Variants in CELSR2 observed in about 807,000 individuals in gnomAD.
The protein encoded by CELSR2 is cadherin EGF LAG seven-pass G-type receptor 2.
Under a neutral mutation model 251.6 loss-of-function variants are expected in CELSR2, and 81 were observed. The observed-to-expected ratio is 0.32, with a 90% CI of 0.27 to 0.39. The LOEUF is 0.39. Ranked by LOEUF, CELSR2 falls within the 10% of genes least tolerant of loss-of-function variation. The probability of loss-of-function intolerance (pLI) is 1.00; values close to 1 mark genes in which losing one functional copy is unlikely to be tolerated. For synonymous variants in CELSR2, 1,721 were observed against 1,670.5 expected, an observed-to-expected ratio of 1.03 and a Z score of -0.74; for missense variants, 3,365 against 3,947.7, an observed-to-expected ratio of 0.85 and a Z score of 3.96.
chr1:109,268,670 G>C lies in CELSR2; in HGVS notation c.6408G>C (p.Trp2136Cys), dbSNP rs1246446443. ...AGCAGACAGAGGGTGGCACCGCCTG[G>C]CTGCTCCAGCACTATGAGGCCTACG... The part of the protein sequence containing the change: ...LIQQTEGGTA[W>C]LLQHYEAYAS... The change falls in exon 18 of 34, where the codon TGG (tryptophan) becomes TGC (cysteine). Residue 2136 changes from tryptophan (W) to cysteine (C), a missense_variant. Trp to Cys is a radical substitution (Grantham distance 215). Coordinates refer to ENST00000271332, the MANE Select transcript of CELSR2 (RefSeq NM_001408.3). The C allele has an allele frequency of 1.2e-6, 2 of 1,613,970 alleles. No individual in the cohort carries two copies. The highest frequency in any genetic ancestry group is 1.3e-5 in the African/African-American group (1 of 74,936).
rs931532342 is a variant in CELSR2 at position 109,265,391 on chromosome 1, G to A, written c.5727+80G>A. On this transcript the variant is annotated intron_variant, in intron 13 of 33. Transcript: ENST00000271332. ...CCTGGGCCCTAGAGGGCAGGCTGTA[G>A]GGATGGGTCTTCCTGTAGAGCTGAG... 25 of 1,442,156 alleles carry A rather than the reference G, an allele frequency of 1.7e-5. No individual in the cohort carries two copies. In the African/African-American group the frequency reaches 3.0e-4, roughly 17 times the overall value. 89.3% of individuals were successfully genotyped at this position (1,442,156 alleles called of 1,614,324 possible). A position where few individuals can be genotyped will look rare whatever the true frequency, so the allele number is the denominator to read the frequency against.
Position 109,250,698 on chromosome 1 carries a change from G to C in CELSR2, c.619G>C (p.Asp207His). 6.2e-7 allele frequency: 1 copy of C among 1,614,098 alleles called. No homozygotes were observed. The highest frequency in any genetic ancestry group is 8.5e-7 in the Non-Finnish European group (1 of 1,180,026). Reference sequence around the variant, plus strand: ...CCCTGTTGCATCCCTGAGGGCCATCGACCCGGACGAGGGTGAGGCAGGTCG... The same window carrying C: ...CCCTGTTGCATCCCTGAGGGCCATCCACCCGGACGAGGGTGAGGCAGGTCG... The part of the protein sequence containing the change: ...GTPVASLRAI[D>H]PDEGEAGRLE... Residue 207 changes from aspartate (D) to histidine (H), a missense_variant, in exon 1 of 34, where the codon GAC becomes CAC. Physicochemically the swap from Asp to His is moderately conservative, Grantham distance 81 (BLOSUM62 -1). Coordinates refer to ENST00000271332, the MANE Select transcript of CELSR2 (RefSeq NM_001408.3). This position sits in a 1 kb window ranked among gnomAD's most constrained non-coding sequence, Gnocchi z 4.4.
intron 11 of CELSR2, 70 bp downstream of exon 11, chr1:109,264,698 G>T: frequency 1.3e-6 from 2 of 1,585,854 alleles, no homozygotes; most frequent in Non-Finnish European, 1.7e-6. Context: ...TCTGCTGTGT[G>T]ACCTGGGGCA....
rs374155692 is a variant in CELSR2 at position 109,252,362 on chromosome 1, T to C, written c.2283T>C (p.Asp761=). The C allele has an allele frequency of 1.3e-4, 203 of 1,612,982 alleles. No homozygotes were observed. The highest frequency in any genetic ancestry group is 3.3e-4 in the Middle Eastern group (2 of 6,084). ...ACAGCATCCCCCAGTTCCGCATCGA[T>C]GCAGACACGGGGGCTGTCACCACCC... is the stretch of plus-strand genomic sequence containing the variant. ...MEDSIPQFRI[D]ADTGAVTTQA... The change falls in exon 1 of 34, where the codon GAT becomes GAC. Residue 761 remains aspartate (D), a synonymous_variant. Coordinates refer to ENST00000271332, the MANE Select transcript of CELSR2 (RefSeq NM_001408.3). The surrounding 1 kb of genome is among the most constrained non-coding windows in gnomAD (Gnocchi z 4.8).
chr1:109,263,958 C>T, intron 9 of CELSR2, 120 bp from the exon 10 acceptor site: 1 of 1,423,728 alleles, frequency 7.0e-7, no homozygotes, highest in Non-Finnish European at 9.4e-7. Flanking sequence ...ATACGCTTTC[C>T]TCTCTATGGC....
rs573031434 is a variant in CELSR2, at chr1:109,269,906, C to A, written c.7108-27C>A. ...GCTCAGGTCCTGCCCTTCCTAATTC[C>A]CTGGCCCCCTGCCACCTACTCTGCA... is the stretch of plus-strand genomic sequence containing the variant. On this transcript the variant is annotated intron_variant, in intron 22 of 33. Coordinates refer to ENST00000271332, the MANE Select transcript of CELSR2 (RefSeq NM_001408.3). This position sits in a 1 kb window ranked among gnomAD's most constrained non-coding sequence, Gnocchi z 6.4. 8.4e-5 allele frequency: 135 copies of A among 1,614,080 alleles called. No homozygotes were observed. In the South Asian group the frequency reaches 1.3e-3, roughly 16 times the overall value.
Position 109,269,510 on chromosome 1 carries a change from A to C in CELSR2, c.6899A>C (p.Lys2300Thr). The C allele has an allele frequency of 1.2e-6, 2 of 1,614,140 alleles. No homozygotes were observed. The highest frequency in any genetic ancestry group is 1.7e-6 in the Non-Finnish European group (2 of 1,180,038). ...DEELLPRALD[K>T]PVTVQFRLLE... ...GAGCTTCTGCCCCGGGCCCTGGACA[A>C]ACCCGTCACGGTGCAGTTCCGCCTG... The change falls in exon 21 of 34, where the codon AAA (lysine) becomes ACA (threonine). Residue 2300 changes from lysine to threonine, a missense_variant. Physicochemically the swap from Lys to Thr is moderately conservative, Grantham distance 78 (BLOSUM62 -1). Transcript: ENST00000271332. The surrounding 1 kb of genome is among the most constrained non-coding windows in gnomAD (Gnocchi z 6.4).
Position 109,274,249 on chromosome 1 carries a change from C to CA in CELSR2, c.*201dup, listed in dbSNP as rs1656464138. The CA allele has an allele frequency of 1.0e-5, 14 of 1,336,414 alleles. No homozygotes were observed. The highest frequency in any genetic ancestry group is 9.0e-5 in the South Asian group (6 of 66,302). The allele number at this position is 1,336,414 out of a possible 1,614,324, so 82.8% of individuals were successfully genotyped here. On this transcript the variant is annotated 3_prime_UTR_variant, in exon 34 of 34. Transcript: ENST00000271332. ...GGCCATCTAGTGCCAACTCCCCCCC[C>CA]ACCATTCCCCTCACTGCACTTTGGA... is the stretch of plus-strand genomic sequence containing the variant.
chr1:109,260,855 A>G (rs80115741), intron 2 of CELSR2, among the ~76,000 whole-genome samples, 187 bp from the exon 3 acceptor site: 3,758 of 152,238 alleles, frequency 0.025, 153 homozygotes, highest in African/African-American at 0.086. Flanking sequence ...CAGGGTGCCC[A>G]TGAAGGGCTG....
intron 14 of CELSR2, 85 bp from the exon 15 acceptor site, chr1:109,266,020 G>GGGGAGGCCTA: frequency 6.3e-7 from 1 of 1,585,726 alleles, no homozygotes; most frequent in Non-Finnish European, 8.6e-7. Context: ...GGGGAGGCCT[G>GGGGAGGCCTA]GGGAGGCCTA....
At chr1:109,260,181 G>A (rs376591703) in intron 2 of CELSR2, among the ~76,000 whole-genome samples, 1 of 127,444 alleles carries the variant, frequency 7.8e-6, no homozygotes, top group African/African-American at 2.9e-5. Flanking sequence ...GGGGGGGGTT[G>A]GGAGGGGGGG....
chr1:109,270,987 T>A lies in CELSR2; in HGVS notation c.7544T>A (p.Ile2515Asn), dbSNP rs1011601388. The change falls in exon 25 of 34, where the codon ATC becomes AAC. Residue 2515 changes from isoleucine (I) to asparagine (N), a missense_variant. Around this residue, in one of 5 missense-constraint regions of CELSR2, gnomAD observed 2,093 missense variants for 2,382.8 expected, o/e 0.88. Coordinates refer to ENST00000271332, the MANE Select transcript of CELSR2 (RefSeq NM_001408.3). ...YGNPDFCWLSIYDTLIWSFAG... is the reference protein window; with the variant it reads ...YGNPDFCWLSNYDTLIWSFAG... Reference sequence around the variant, plus strand: ...AACCCTGACTTCTGCTGGCTCTCCATCTATGACACGCTCATCTGGAGTTTT... The same window carrying A: ...AACCCTGACTTCTGCTGGCTCTCCAACTATGACACGCTCATCTGGAGTTTT... 1 of 1,613,572 alleles carries A rather than the reference T, an allele frequency of 6.2e-7. No individual in the cohort carries two copies. The highest frequency in any genetic ancestry group is 8.5e-7 in the Non-Finnish European group (1 of 1,179,986).
At position 109,264,474 on chromosome 1, in the gene CELSR2, G is replaced by A. The variant is rs149305357; in HGVS notation, c.5310G>A (p.Thr1770=). 1.4e-4 allele frequency: 229 copies of A among 1,613,214 alleles called. No individual in the cohort carries two copies. The African/African-American group carries it at 2.6e-3, about 18-fold the overall frequency. The change falls in exon 11 of 34, where the codon ACG becomes ACA. Residue 1770 remains threonine (T), a synonymous_variant. Transcript: ENST00000271332. The part of the protein sequence containing the change: ...GCLQGVRVSD[T]PEGVNSLDPS... ...CCCAGGGTGTGCGGGTGAGCGATAC[G>A]CCGGAGGGGGTTAACAGCCTGGATC...
chr1:109,261,265 G>T lies in CELSR2; in HGVS notation c.4181+1G>T, dbSNP rs770277635. 1 of 1,612,148 alleles carries T rather than the reference G, an allele frequency of 6.2e-7. No homozygotes were observed. The highest frequency in any genetic ancestry group is 8.5e-7 in the Non-Finnish European group (1 of 1,179,468). On this transcript the variant is annotated splice_donor_variant, in intron 3 of 33. Transcript: ENST00000271332. LOFTEE classifies it high-confidence loss of function. This position sits in a 1 kb window ranked among gnomAD's most constrained non-coding sequence, Gnocchi z 4.8. ...GTTTCCACTTCACCCTGGCCCTCTC[G>T]TGAGTGGCTGGGCACTGGGGGTGGG...
rs749847773 is a variant in CELSR2 at position 109,251,088 on chromosome 1, T to C, written c.1009T>C (p.Ser337Pro). 11 of 1,613,398 alleles carry C rather than the reference T, an allele frequency of 6.8e-6. No homozygotes were observed. The highest frequency in any genetic ancestry group is 1.7e-5 in the Admixed American group (1 of 60,004). ...GCTGGAGGGGTCTGGGGGCAGCCCC[T>C]CTGAAGTCTTTGAGATCGACCCTCG... ...RLLEGSGGSP[S>P]EVFEIDPRSG... The change falls in exon 1 of 34, where the codon TCT becomes CCT. Residue 337 changes from serine to proline, a missense_variant. Transcript: ENST00000271332. This position sits in a 1 kb window ranked among gnomAD's most constrained non-coding sequence, Gnocchi z 4.9.
chr1:109,250,004 C>A lies in CELSR2; in HGVS notation c.-76C>A. On this transcript the variant is annotated 5_prime_UTR_variant, in exon 1 of 34. Transcript: ENST00000271332. The surrounding 1 kb of genome is among the most constrained non-coding windows in gnomAD (Gnocchi z 4.4). ...CTGGCGCCCTGGCCCGGGCATGAGG[C>A]GCGGCGGGGCCGGCAGGAGCCGGAG... 2 of 1,223,716 alleles carry A rather than the reference C, an allele frequency of 1.6e-6. No homozygotes were observed. The highest frequency in any genetic ancestry group is 1.0e-6 in the Non-Finnish European group (1 of 983,922). 75.8% of individuals were successfully genotyped at this position (1,223,716 alleles called of 1,614,324 possible).
intron 29 of CELSR2, 47 bp downstream of exon 29, chr1:109,272,452 G>A (rs79868705): frequency 0.046 from 73,108 of 1,577,940 alleles, 2,143 homozygotes; most frequent in Admixed American, 0.11. Flanking sequence ...AGGGGCCCAC[G>A]CATGCTGGAC....
At chr1:109,268,499 GC>G (rs1328672108) in intron 17 of CELSR2, 81 bp from the exon 18 acceptor site, 79 of 1,489,990 alleles carry the variant, frequency 5.3e-5, no homozygotes, top group Non-Finnish European at 6.7e-5. Flanking sequence ...GCAGGGACTG[GC>G]CCGGGCACAG....
intron 14 of CELSR2, 25 bp from the exon 15 acceptor site, chr1:109,266,080 G>A (rs201629412): frequency 1.2e-6 from 2 of 1,612,452 alleles, no homozygotes; most frequent in East Asian, 2.2e-5. Flanking sequence ...GCTGCTCCTG[G>A]GTGACCATGT....
Sources: gnomAD v4.1 joint callset for allele counts (sites outside exome capture counted in the v4.1 genomes callset) on GRCh38, gnomAD v4.1.1 for gene constraint, gnomAD v4.1.1 regional missense constraint, Gnocchi (gnomAD v3.1) non-coding constraint, MANE v1.5 for transcripts, NCBI Gene and HGNC (gene_info 2026-07-23, HGNC 2026-07-21) for gene names.